Variants in DUSP16 observed in about 807,000 individuals in gnomAD.
DUSP16 encodes dual specificity protein phosphatase 16.
A neutral mutation model predicts 58.3 loss-of-function variants in DUSP16; 21 were observed. The ratio of observed to expected loss-of-function variants is 0.36; its 90% CI spans 0.26 to 0.52. The LOEUF (loss-of-function observed/expected upper bound fraction) is 0.52, where lower values mean the gene tolerates loss of function less well. Ranked by LOEUF, DUSP16 falls within the 20% of genes least tolerant of loss-of-function variation. The pLI is 0.94. For synonymous variants in DUSP16, 320 were observed against 323.8 expected (o/e 0.99, Z 0.12); for missense variants, 726 against 819.0 (o/e 0.89, Z 1.39).
chr12:12,521,070 A>G lies in DUSP16; in HGVS notation c.29T>C (p.Ile10Thr). 1 of 1,614,114 alleles carries G rather than the reference A, an allele frequency of 6.2e-7. No homozygotes were observed. The highest frequency in any genetic ancestry group is 8.5e-7 in the Non-Finnish European group (1 of 1,180,028). ...CAGAGCCACCAACCTCTCAGTAACA[A>G]TTTGAGTTCCAATCATCTCATGGGC... The part of the protein sequence containing the change: MAHEMIGTQ[I>T]VTERLVALLE... Residue 10 changes from isoleucine (I) to threonine (T), a missense_variant, in exon 2 of 7, where the codon ATT (isoleucine) becomes ACT (threonine). Transcript: ENST00000298573.
chr12:12,498,587 G>A (rs981374213), intron 4 of DUSP16, among the ~76,000 whole-genome samples: 24 of 151,926 alleles, frequency 1.6e-4, no homozygotes, highest in African/African-American at 5.8e-4. Flanking sequence ...GCTAATTTTT[G>A]TAATTTTTGT....
At chr12:12,543,864 G>C (rs1454695938) in intron 1 of DUSP16, among the ~76,000 whole-genome samples, 1 of 151,496 alleles carries the variant, frequency 6.6e-6, no homozygotes, top group Non-Finnish European at 1.5e-5. Flanking sequence ...ATTTGTATTT[G>C]TAATACAAAT....
At chr12:12,479,859 G>A (rs1355548377) in intron 6 of DUSP16, among the ~76,000 whole-genome samples, 1 of 152,186 alleles carries the variant, frequency 6.6e-6, no homozygotes, top group African/African-American at 2.4e-5. Context: ...CAGAGATTCT[G>A]CAGTGAGCAT....
At chr12:12,495,883 GCATA>G (rs1943820897) in intron 4 of DUSP16, among the ~76,000 whole-genome samples, 1 of 152,226 alleles carries the variant, frequency 6.6e-6, no homozygotes. Flanking sequence ...CTAGTAGGCT[GCATA>G]GTCTACCCTA....
At chr12:12,556,219 A>G (rs1176428254) in intron 1 of DUSP16, among the ~76,000 whole-genome samples, 2 of 152,148 alleles carry the variant, frequency 1.3e-5, no homozygotes, top group Admixed American at 1.3e-4. Context: ...CTATAGACAC[A>G]CTTAATATCA....
chr12:12,508,830 T>A (rs1359123508), intron 3 of DUSP16, among the ~76,000 whole-genome samples: 1 of 152,186 alleles, frequency 6.6e-6, no homozygotes, highest in Admixed American at 6.5e-5. Flanking sequence ...ACAACAGTTA[T>A]GACATACACA....
intron 5 of DUSP16, among the ~76,000 whole-genome samples, chr12:12,486,481 A>AGAGTGTGTGTGTGT (rs1402961298): frequency 6.8e-6 from 1 of 147,262 alleles, no homozygotes; most frequent in African/African-American, 2.5e-5. Context: ...ACCAAATGAG[A>AGAGTGTGTGTGTGT]GTGTGTGTGT....
chr12:12,520,965 G>A lies in DUSP16; in HGVS notation c.134C>T (p.Ala45Val). 6.2e-7 allele frequency: 1 copy of A among 1,614,160 alleles called. No individual in the cohort carries two copies. Among genetic ancestry groups the A allele is most frequent in the Non-Finnish European group, 8.5e-7 (1 of 1,180,020 alleles). The change falls in exon 2 of 7, where the codon GCC (alanine) becomes GTC (valine). Residue 45 changes from alanine (A) to valine (V), a missense_variant. By Grantham distance (64) the Ala-to-Val change is moderately conservative. Coordinates refer to ENST00000298573, the MANE Select transcript of DUSP16 (RefSeq NM_030640.3). Reference protein sequence around the residue: ...VEYNTSHILEAININCSKLMK... With the variant: ...VEYNTSHILEVININCSKLMK... ...AAGCTTGGAGCAGTTGATATTAATG[G>A]CTTCCAAAATGTGGGATGTATTGTA... is the stretch of plus-strand genomic sequence containing the variant.
chr12:12,501,863 G>A (rs1943915894), intron 3 of DUSP16, among the ~76,000 whole-genome samples: 1 of 152,062 alleles, frequency 6.6e-6, no homozygotes, highest in African/African-American at 2.4e-5. Flanking sequence ...GGTGGTGGGT[G>A]CCTGTAATCC....
chr12:12,519,017 C>T (rs1017812706), intron 3 of DUSP16, among the ~76,000 whole-genome samples: 1 of 152,206 alleles, frequency 6.6e-6, no homozygotes, highest in Non-Finnish European at 1.5e-5. Flanking sequence ...GCACTCTTGC[C>T]TATCACTGAA....
chr12:12,516,187 T>A (rs546953927), intron 3 of DUSP16, among the ~76,000 whole-genome samples: 16 of 150,342 alleles, frequency 1.1e-4, no homozygotes, highest in Non-Finnish European at 2.2e-4. Flanking sequence ...TCACCCAGAC[T>A]GTAGTGCAGT....
At chr12:12,552,103 G>C (rs1278827398) in intron 1 of DUSP16, among the ~76,000 whole-genome samples, 1 of 152,188 alleles carries the variant, frequency 6.6e-6, no homozygotes, top group Non-Finnish European at 1.5e-5. Context: ...TAATGTTACA[G>C]AGTACACAAA....
At chr12:12,546,930 T>G (rs1420853125) in intron 1 of DUSP16, among the ~76,000 whole-genome samples, 1 of 152,196 alleles carries the variant, frequency 6.6e-6, no homozygotes, top group Non-Finnish European at 1.5e-5. Flanking sequence ...AATTTTATCT[T>G]AGCAGTACCC....
At chr12:12,500,789 A>T in intron 3 of DUSP16, 107 bp from the exon 4 acceptor site, 1 of 990,256 alleles carries the variant, frequency 1.0e-6, no homozygotes, top group Non-Finnish European at 1.4e-6. Flanking sequence ...CCAAGTGGAT[A>T]TCACTGCACA....
At chr12:12,541,528 T>C (rs1402507129) in intron 1 of DUSP16, among the ~76,000 whole-genome samples, 1 of 152,224 alleles carries the variant, frequency 6.6e-6, no homozygotes, top group Non-Finnish European at 1.5e-5. Context: ...GTAAATGGCA[T>C]AAATTCTCAG....
At chr12:12,479,625 G>T (rs1452019958) in intron 6 of DUSP16, among the ~76,000 whole-genome samples, 1 of 151,980 alleles carries the variant, frequency 6.6e-6, no homozygotes, top group Non-Finnish European at 1.5e-5. Context: ...CTATATTTTT[G>T]ATTCCTTATC....
At chr12:12,527,511 A>G (rs1253864854) in intron 1 of DUSP16, among the ~76,000 whole-genome samples, 2 of 152,190 alleles carry the variant, frequency 1.3e-5, no homozygotes. Context: ...GAAAGCTAAG[A>G]ACTTGGTGCG....
chr12:12,554,313 C>T (rs1429341342), intron 1 of DUSP16, among the ~76,000 whole-genome samples: 1 of 151,502 alleles, frequency 6.6e-6, no homozygotes, highest in Non-Finnish European at 1.5e-5. Flanking sequence ...TCTCACCATG[C>T]TACCTAAGCT....
intron 1 of DUSP16, among the ~76,000 whole-genome samples, chr12:12,539,114 T>TA (rs758663707): frequency 1.4e-4 from 21 of 152,102 alleles, no homozygotes; most frequent in Non-Finnish European, 2.8e-4. Context: ...TACCTTCTCC[T>TA]AAAAAACTGT....
Sources: allele counts gnomAD v4.1 joint callset (sites outside exome capture counted in the v4.1 genomes callset), GRCh38; gene constraint gnomAD v4.1.1; transcripts MANE v1.5; gene names NCBI Gene and HGNC (gene_info 2026-07-23, HGNC 2026-07-21).